The following DOCK4 variants were observed in gnomAD, a reference collection of about 807,000 sequenced individuals.
The protein encoded by DOCK4 is dedicator of cytokinesis protein 4.
In DOCK4, 97 loss-of-function variants were observed where a neutral mutation model predicts 268.1. That is an observed-to-expected ratio of 0.36 (90% CI 0.31 to 0.43). DOCK4 has a LOEUF of 0.43. DOCK4 is among the 20% of genes least tolerant of loss of function. DOCK4 has a pLI of 1.00. For missense variants in DOCK4, 2,145 were observed against 2,455.7 expected, an observed-to-expected ratio of 0.87 and a Z score of 2.67; for synonymous variants, 954 against 887.2, an observed-to-expected ratio of 1.08 and a Z score of -1.34.
Position 111,868,056 on chromosome 7 carries a change from C to A in DOCK4, c.2208G>T (p.Gln736His), listed in dbSNP as rs1243227590. The change falls in exon 22 of 53, where the codon CAG (glutamine) becomes CAT (histidine). Residue 736 changes from glutamine to histidine, a missense_variant. This residue lies in a region of DOCK4 where 1,598 missense variants were observed against 1,986.7 expected (regional missense o/e 0.80). Transcript: ENST00000428084. The stretch of plus-strand genomic sequence containing the variant: ...AGAAACGGACTGACATGAGAAGCTC[C>A]TGAATGCAGCAGCGGAACTCCTCTT... ...QNEEEFRCCI[Q>H]ELLMSVRFFL... 6.2e-7 allele frequency: 1 copy of A among 1,613,666 alleles called. No homozygotes were observed. The highest frequency in any genetic ancestry group is 1.3e-5 in the African/African-American group (1 of 75,028).
At position 111,809,351 on chromosome 7, in the gene DOCK4, A is replaced by T; in HGVS notation, c.3057T>A (p.Cys1019Ter). 6.4e-7 allele frequency: 1 copy of T among 1,567,854 alleles called. No individual in the cohort carries two copies. Among genetic ancestry groups the T allele is most frequent in the Non-Finnish European group, 8.7e-7 (1 of 1,154,464 alleles). ...AAGGTGTGAACATCTCCAACTGCAGACACAACTGGTTTATAAAAATGACTG... is the reference window on the plus strand; with the variant it reads ...AAGGTGTGAACATCTCCAACTGCAGTCACAACTGGTTTATAAAAATGACTG... ...YLAVIFINQLCLQLEMFTPSK... is the reference protein window; with the variant it reads ...YLAVIFINQL Residue 1019 changes from cysteine (C) to a stop codon, truncating the protein, a stop_gained, in exon 29 of 53, where the codon TGT becomes TGA. Coordinates refer to ENST00000428084, the MANE Select transcript of DOCK4 (RefSeq NM_001363540.2). LOFTEE classifies it high-confidence loss of function.
chr7:111,834,493 A>G, intron 26 of DOCK4, 95 bp downstream of exon 26: 1 of 949,496 alleles, frequency 1.1e-6, no homozygotes, highest in Non-Finnish European at 1.6e-6. Context: ...GGAAACAGGT[A>G]AAGCAATTGT....
rs149149373 is a variant in DOCK4, at chr7:112,088,930, A to G, written c.38-84799T>C. Among the ~76,000 whole-genome samples the G allele has an allele frequency of 6.6e-4, 100 of 152,286 alleles. 1 individual carries two copies. The East Asian group carries it at 0.017, about 26-fold the overall frequency. On this transcript the variant is annotated intron_variant, in intron 1 of 52. Coordinates refer to ENST00000428084, the MANE Select transcript of DOCK4 (RefSeq NM_001363540.2). Reference sequence around the variant, plus strand: ...TAAAGAGCTTACAGTAACAGCTGGCAGGCAGTAAGTGCTCAATACGTTGTC... The same window carrying G: ...TAAAGAGCTTACAGTAACAGCTGGCGGGCAGTAAGTGCTCAATACGTTGTC...
At chr7:111,969,599 G>T (rs1269257778) in intron 8 of DOCK4, among the ~76,000 whole-genome samples, 1 of 151,264 alleles carries the variant, frequency 6.6e-6, no homozygotes, top group Non-Finnish European at 1.5e-5. Context: ...GAAATCTCAG[G>T]TGAATAGGTT....
chr7:112,017,252 A>C (rs1801890594), intron 1 of DOCK4, among the ~76,000 whole-genome samples: 1 of 152,196 alleles, frequency 6.6e-6, no homozygotes, highest in Admixed American at 6.5e-5. Context: ...AACTATTAAA[A>C]TCTTACTTAA....
At chr7:111,768,294 C>A (rs533208252) in intron 37 of DOCK4, among the ~76,000 whole-genome samples, 2 of 152,224 alleles carry the variant, frequency 1.3e-5, no homozygotes, top group South Asian at 4.1e-4. Flanking sequence ...ACCACTTTAT[C>A]CCACAGGTGG....
intron 23 of DOCK4, among the ~76,000 whole-genome samples, chr7:111,861,241 C>T (rs957827587): frequency 1.3e-5 from 2 of 152,130 alleles, no homozygotes; most frequent in Middle Eastern, 3.4e-3. Context: ...ATCTTTTCTC[C>T]AGGATATGTT....
chr7:112,007,216 T>C (rs746440168), intron 1 of DOCK4, among the ~76,000 whole-genome samples: 13 of 152,112 alleles, frequency 8.5e-5, no homozygotes, highest in Non-Finnish European at 1.6e-4. Flanking sequence ...TTACAGCACT[T>C]CGTCTATCTG....
intron 1 of DOCK4, among the ~76,000 whole-genome samples, chr7:112,041,260 A>G (rs1188375397): frequency 6.6e-6 from 1 of 152,206 alleles, no homozygotes; most frequent in Admixed American, 6.5e-5. Flanking sequence ...AGAGTAGATA[A>G]GAATATGCAA....
At chr7:112,020,281 G>T (rs1802200653) in intron 1 of DOCK4, among the ~76,000 whole-genome samples, 2 of 152,112 alleles carry the variant, frequency 1.3e-5, no homozygotes, top group Admixed American at 1.3e-4. Flanking sequence ...CCAAAATCTA[G>T]TTGGGTCCTG....
At chr7:111,926,539 GAA>G (rs1562895740) in intron 12 of DOCK4, among the ~76,000 whole-genome samples, 2 of 147,612 alleles carry the variant, frequency 1.4e-5, no homozygotes, top group African/African-American at 5.1e-5. Context: ...AAGAGAAAGA[GAA>G]AGAGAAAGAA....
At chr7:111,973,153 T>A (rs1322545085) in intron 8 of DOCK4, among the ~76,000 whole-genome samples, 1 of 64,534 alleles carries the variant, frequency 1.5e-5, no homozygotes, top group Non-Finnish European at 2.7e-5. Context: ...TAGTATTCCA[T>A]GGCATATATA....
chr7:112,030,742 G>A (rs566386037), intron 1 of DOCK4, among the ~76,000 whole-genome samples: 1 of 152,312 alleles, frequency 6.6e-6, no homozygotes, highest in Non-Finnish European at 1.5e-5. Flanking sequence ...ACAGAGGGAT[G>A]GAGAGAGCTC....
chr7:111,816,279 C>A lies in DOCK4; in HGVS notation c.2931-4330G>T, dbSNP rs573672760. 2.0e-5 allele frequency among the ~76,000 whole-genome samples: 3 copies of A among 152,180 alleles called. No homozygotes were observed. The South Asian group carries it at 6.2e-4, about 32-fold the overall frequency. On this transcript the variant is annotated intron_variant, in intron 27 of 52. Transcript: ENST00000428084. The stretch of plus-strand genomic sequence containing the variant: ...CCTTTGTGGATAAACTGGGTCTTGA[C>A]AATATTGATGTTTATACAATGAAAA...
intron 9 of DOCK4, 136 bp from the exon 10 acceptor site, chr7:111,945,007 T>C (rs747345425): frequency 1.8e-5 from 13 of 733,082 alleles, no homozygotes; most frequent in Non-Finnish European, 2.4e-5. Context: ...CAGAAGTACA[T>C]GATTTAAATC....
At chr7:111,730,660 A>G (rs1184581604) in intron 52 of DOCK4, among the ~76,000 whole-genome samples, 2 of 152,002 alleles carry the variant, frequency 1.3e-5, no homozygotes, top group African/African-American at 2.4e-5. Context: ...AAACCCCACT[A>G]AACTCTTATC....
intron 1 of DOCK4, among the ~76,000 whole-genome samples, chr7:112,172,306 T>A (rs1701151120): frequency 1.3e-5 from 2 of 152,194 alleles, no homozygotes; most frequent in Admixed American, 1.3e-4. Flanking sequence ...AGAATACTTC[T>A]TGAATAAGAA....
chr7:111,798,679 G>GA, intron 30 of DOCK4, among the ~76,000 whole-genome samples: 1 of 152,258 alleles, frequency 6.6e-6, no homozygotes, highest in Middle Eastern at 3.4e-3. Context: ...AGTAAAACAA[G>GA]AAATACAAAA....
intron 1 of DOCK4, among the ~76,000 whole-genome samples, chr7:112,202,718 C>G (rs753426967): frequency 2.0e-5 from 3 of 151,364 alleles, no homozygotes; most frequent in Non-Finnish European, 4.4e-5. Context: ...TATGAATAGC[C>G]ACTGCACTCC....
Sources: gnomAD v4.1 joint callset for allele counts (sites outside exome capture counted in the v4.1 genomes callset) on GRCh38, gnomAD v4.1.1 for gene constraint, gnomAD v4.1.1 regional missense constraint, MANE v1.5 for transcripts, NCBI Gene and HGNC (gene_info 2026-07-23, HGNC 2026-07-21) for gene names.